Variants in SLC5A8 observed in about 807,000 individuals in gnomAD.
SLC5A8 encodes the protein solute carrier family 5 member 8, also known as sodium-coupled monocarboxylate transporter 1.
A neutral mutation model predicts 71.9 loss-of-function variants in SLC5A8; 55 were observed. That is an observed-to-expected ratio of 0.77 (90% CI 0.62 to 0.96). The LOEUF is 0.96. Among genes scored for constraint, SLC5A8 ranks in the 40% least tolerant of loss-of-function variants. SLC5A8 has a pLI of 0.00. For missense variants in SLC5A8, 701 were observed against 745.3 expected (o/e 0.94, Z 0.69); for synonymous variants, 307 against 276.1 (o/e 1.11, Z -1.11).
intron 10 of SLC5A8, among the ~76,000 whole-genome samples, chr12:101,177,442 TATACACACACAC>T (rs1490451570): frequency 7.5e-5 from 10 of 133,526 alleles, no homozygotes; most frequent in East Asian, 6.5e-4. Context: ...AAAGGCAGTA[TATACACACACAC>T]ACACACACAC....
intron 3 of SLC5A8, among the ~76,000 whole-genome samples, chr12:101,198,404 A>T (rs1158723644): frequency 6.6e-6 from 1 of 151,944 alleles, no homozygotes; most frequent in African/African-American, 2.4e-5. Context: ...AGATATATCA[A>T]AATAAGAAGA....
chr12:101,195,347 A>G (rs1869123609), intron 3 of SLC5A8, among the ~76,000 whole-genome samples, 185 bp from the exon 4 acceptor site: 1 of 152,184 alleles, frequency 6.6e-6, no homozygotes, highest in Non-Finnish European at 1.5e-5. Context: ...TTAAAATTGT[A>G]TTTGATAATT....
rs546084805 is a variant in SLC5A8 at position 101,158,986 on chromosome 12, A to AT, written c.1631-659dup. ...AAAAAAAATTCTATTTTGCTTTGGT[A>AT]TTTTTTGTGGATCAAAGAGGATGCT... On this transcript the variant is annotated intron_variant, in intron 13 of 14. Transcript: ENST00000536262. Among the ~76,000 whole-genome samples the AT allele has an allele frequency of 2.8e-3, 413 of 150,144 alleles. 3 individuals are homozygous for AT. The highest frequency in any genetic ancestry group is 9.3e-3 in the African/African-American group (381 of 40,908).
At chr12:101,185,642 G>A (rs950065433) in intron 7 of SLC5A8, among the ~76,000 whole-genome samples, 6 of 152,020 alleles carry the variant, frequency 3.9e-5, no homozygotes, top group African/African-American at 1.2e-4. Flanking sequence ...GCAGTGGCTC[G>A]ATCTCGGCTC....
chr12:101,160,620 C>G (rs2051715042), intron 13 of SLC5A8, among the ~76,000 whole-genome samples: 1 of 152,156 alleles, frequency 6.6e-6, no homozygotes, highest in Admixed American at 6.5e-5. Context: ...GTTTCACCAA[C>G]TCCGCACTAC....
chr12:101,178,621 G>C (rs773537517), intron 10 of SLC5A8, among the ~76,000 whole-genome samples: 1 of 152,134 alleles, frequency 6.6e-6, no homozygotes, highest in Non-Finnish European at 1.5e-5. Flanking sequence ...AAAAGAGAAT[G>C]TCAACCTAAG....
intron 12 of SLC5A8, among the ~76,000 whole-genome samples, chr12:101,165,794 C>T (rs780495285): frequency 6.6e-6 from 1 of 152,162 alleles, no homozygotes; most frequent in Non-Finnish European, 1.5e-5. Context: ...TGGGGCAATA[C>T]TCTAGGGGCA....
intron 1 of SLC5A8, among the ~76,000 whole-genome samples, chr12:101,207,042 A>G (rs192852929): frequency 5.3e-5 from 8 of 152,302 alleles, no homozygotes; most frequent in Non-Finnish European, 8.8e-5. Flanking sequence ...TAGATTCTGT[A>G]CCTCTCAGCA....
At chr12:101,157,962 C>T (rs1593357698) in intron 14 of SLC5A8, among the ~76,000 whole-genome samples, 1 of 151,952 alleles carries the variant, frequency 6.6e-6, no homozygotes, top group Non-Finnish European at 1.5e-5. Context: ...GAGAGATATA[C>T]AGCAGATAAA....
intron 4 of SLC5A8, among the ~76,000 whole-genome samples, chr12:101,194,520 C>T (rs764706578): frequency 3.3e-4 from 51 of 152,308 alleles, no homozygotes; most frequent in Non-Finnish European, 5.9e-4. Flanking sequence ...AGCGGGAGTG[C>T]GGTGGTGCAA....
chr12:101,166,372 G>T, intron 12 of SLC5A8, 122 bp downstream of exon 12: 1 of 735,874 alleles, frequency 1.4e-6, no homozygotes. Flanking sequence ...AACCACATGG[G>T]TTTTACTCAT....
chr12:101,201,318 C>G (rs754888434), intron 3 of SLC5A8, among the ~76,000 whole-genome samples: 41 of 152,276 alleles, frequency 2.7e-4, no homozygotes, highest in South Asian at 1.0e-3. Flanking sequence ...ACTTCAGAAA[C>G]AGGTGGTAAC....
intron 5 of SLC5A8, 87 bp from the exon 6 acceptor site, chr12:101,190,695 G>T: frequency 8.1e-7 from 1 of 1,240,954 alleles, no homozygotes; most frequent in Non-Finnish European, 1.1e-6. Context: ...AGCAAGCAAT[G>T]CACATTTATA....
At chr12:101,186,161 A>T (rs1158574365) in intron 7 of SLC5A8, among the ~76,000 whole-genome samples, 1 of 150,082 alleles carries the variant, frequency 6.7e-6, no homozygotes, top group African/African-American at 2.5e-5. Flanking sequence ...TGTCTTCATG[A>T]TACAAACTAC....
At position 101,209,955 on chromosome 12, in the gene SLC5A8, G is replaced by T. The variant is rs1303305848; in HGVS notation, c.-107C>A. The stretch of plus-strand genomic sequence containing the variant: ...CGGATCCCTGGCGCGCAGGCGTGGC[G>T]TCCCGCGGGGACTGGAGGCGTCCTC... On this transcript the variant is annotated 5_prime_UTR_variant, in exon 1 of 15. Transcript: ENST00000536262. The T allele has an allele frequency of 3.7e-6, 4 of 1,070,934 alleles. No homozygotes were observed. Among genetic ancestry groups the T allele is most frequent in the African/African-American group, 1.7e-5 (1 of 60,462 alleles). 66.3% of individuals were successfully genotyped at this position (1,070,934 alleles called of 1,614,324 possible).
Position 101,156,198 on chromosome 12 carries a change from T to C in SLC5A8, c.*1081A>G, listed in dbSNP as rs150360000. The C allele has an allele frequency of 1.4e-3, 220 of 152,330 alleles. No individual in the cohort carries two copies. The highest frequency in any genetic ancestry group is 5.1e-3 in the African/African-American group (211 of 41,576). The allele number at this position is 152,330 out of a possible 1,614,324, so 9.4% of individuals were successfully genotyped here. On this transcript the variant is annotated 3_prime_UTR_variant, in exon 15 of 15. Transcript: ENST00000536262. The stretch of plus-strand genomic sequence containing the variant: ...ATTTAGCCCTTTAACTGGATAAATA[T>C]ACCGAAATTTCAAAATTTCTAGGCA...
intron 8 of SLC5A8, 137 bp downstream of exon 8, chr12:101,183,997 G>C (rs986333290): frequency 2.7e-6 from 2 of 740,746 alleles, no homozygotes. Context: ...ACCACAGAGA[G>C]GACACATACA....
chr12:101,204,518 G>A lies in SLC5A8; in HGVS notation c.399C>T (p.Val133=), dbSNP rs1365888248. The change falls in exon 2 of 15, where the codon GTC becomes GTT. Residue 133 remains valine (V), a synonymous_variant. Transcript: ENST00000536262. ...TACTTACTGTTTGAACAATGAAGAG[G>A]ACTGTTCCACAGAGACGAACACATT... ...FNKCVRLCGT[V]LFIVQTILYT... is the part of the protein sequence containing the mutation. The A allele has an allele frequency of 1.3e-6, 2 of 1,597,048 alleles. No homozygotes were observed. Among genetic ancestry groups the A allele is most frequent in the Non-Finnish European group, 1.7e-6 (2 of 1,175,018 alleles).
intron 10 of SLC5A8, among the ~76,000 whole-genome samples, chr12:101,177,494 C>T (rs912427805): frequency 1.3e-5 from 2 of 151,654 alleles, no homozygotes; most frequent in Admixed American, 6.6e-5. Context: ...CATGCACACA[C>T]ACACACCACT....
Sources: gnomAD v4.1 joint callset for allele counts (sites outside exome capture counted in the v4.1 genomes callset) on GRCh38, gnomAD v4.1.1 for gene constraint, MANE v1.5 for transcripts, NCBI Gene and HGNC (gene_info 2026-07-23, HGNC 2026-07-21) for gene names.